The following CNTN5 variants were observed in gnomAD, a reference collection of about 807,000 sequenced individuals.
CNTN5 encodes contactin 5.
CNTN5 carries 77 observed loss-of-function variants against 129.1 expected under a neutral mutation model. That is an observed-to-expected ratio of 0.60 (90% confidence interval 0.50 to 0.72). The LOEUF (loss-of-function observed/expected upper bound fraction) is 0.72, where lower values mean the gene tolerates loss of function less well. Among genes scored for constraint, CNTN5 ranks in the 30% least tolerant of loss-of-function variants. The probability of loss-of-function intolerance (pLI) is 0.00; values close to 1 mark genes in which losing one functional copy is unlikely to be tolerated. For missense variants in CNTN5, 1,478 were observed against 1,328.8 expected (o/e 1.11, Z -1.75); for synonymous variants, 509 against 465.6 (o/e 1.09, Z -1.20).
At chr11:99,767,544 C>A (rs777017928) in intron 3 of CNTN5, among the ~76,000 whole-genome samples, 10 of 151,768 alleles carry the variant, frequency 6.6e-5, no homozygotes, top group Non-Finnish European at 1.5e-4. Flanking sequence ...ATAGTACATG[C>A]CCACATTTGA....
intron 1 of CNTN5, among the ~76,000 whole-genome samples, chr11:99,231,066 G>A (rs970215834): frequency 2.0e-5 from 3 of 152,032 alleles, no homozygotes; most frequent in Non-Finnish European, 2.9e-5. Flanking sequence ...ATGGGCATTT[G>A]GGTTGATTCC....
At chr11:99,053,228 G>A (rs1183180174) in intron 1 of CNTN5, among the ~76,000 whole-genome samples, 1 of 151,816 alleles carries the variant, frequency 6.6e-6, no homozygotes, top group Non-Finnish European at 1.5e-5. Flanking sequence ...ACTCCTATAT[G>A]TCAAAAGTTT....
At chr11:99,555,396 C>T (rs1344421626) in intron 2 of CNTN5, among the ~76,000 whole-genome samples, 1 of 151,852 alleles carries the variant, frequency 6.6e-6, no homozygotes, top group Non-Finnish European at 1.5e-5. Context: ...CAAGTTCTTG[C>T]AGAAAGTTTA....
At chr11:100,180,500 C>T (rs967700009) in intron 13 of CNTN5, among the ~76,000 whole-genome samples, 33 of 151,994 alleles carry the variant, frequency 2.2e-4, no homozygotes, top group Admixed American at 5.9e-4. Context: ...GAGACTTAAA[C>T]GTCAATGTAA....
intron 13 of CNTN5, among the ~76,000 whole-genome samples, chr11:100,104,186 C>CTGAGG (rs1945335098): frequency 6.6e-6 from 1 of 151,498 alleles, no homozygotes; most frequent in Non-Finnish European, 1.5e-5. Flanking sequence ...CTTCCGCCTC[C>CTGAGG]CAGGTTCAGG....
chr11:99,904,082 A>G (rs1429932251), intron 6 of CNTN5, among the ~76,000 whole-genome samples: 1 of 152,160 alleles, frequency 6.6e-6, no homozygotes, highest in Non-Finnish European at 1.5e-5. Flanking sequence ...TATTGCTTGC[A>G]AATATTGTAT....
intron 6 of CNTN5, among the ~76,000 whole-genome samples, chr11:99,857,869 G>A (rs561646233): frequency 9.9e-5 from 15 of 151,950 alleles, no homozygotes; most frequent in Non-Finnish European, 1.8e-4. Context: ...TTTCCTATCC[G>A]TTTCATAGTG....
At chr11:100,003,212 A>T (rs1366436292) in intron 9 of CNTN5, among the ~76,000 whole-genome samples, 1 of 152,184 alleles carries the variant, frequency 6.6e-6, no homozygotes, top group Non-Finnish European at 1.5e-5. Context: ...ATGAATTGTT[A>T]TGTGACCCAT....
chr11:99,158,846 A>C (rs1407755020), intron 1 of CNTN5, among the ~76,000 whole-genome samples: 1 of 152,178 alleles, frequency 6.6e-6, no homozygotes, highest in African/African-American at 2.4e-5. Flanking sequence ...ATATAAAAAT[A>C]ATAAAAGTAA....
chr11:99,880,680 C>G (rs1381158808), intron 6 of CNTN5, among the ~76,000 whole-genome samples: 1 of 152,032 alleles, frequency 6.6e-6, no homozygotes, highest in Non-Finnish European at 1.5e-5. Flanking sequence ...TTGCTTTTGT[C>G]CTTTGCAAAA....
intron 4 of CNTN5, among the ~76,000 whole-genome samples, chr11:99,822,995 A>G (rs1453848649): frequency 6.6e-6 from 1 of 152,218 alleles, no homozygotes; most frequent in South Asian, 2.1e-4. Context: ...CCTCTGGCCA[A>G]CAGCCCAAGA....
At chr11:100,202,231 C>G (rs1482159886) in intron 15 of CNTN5, among the ~76,000 whole-genome samples, 1 of 151,910 alleles carries the variant, frequency 6.6e-6, no homozygotes, top group Non-Finnish European at 1.5e-5. Context: ...TTTATCAGAT[C>G]TAGGGCATAT....
chr11:99,674,671 G>A (rs1398554871), intron 3 of CNTN5, among the ~76,000 whole-genome samples: 1 of 152,078 alleles, frequency 6.6e-6, no homozygotes, highest in African/African-American at 2.4e-5. Context: ...ATGCTTACAT[G>A]TCTGAGACAA....
intron 7 of CNTN5, among the ~76,000 whole-genome samples, chr11:99,936,714 T>A (rs1950323528): frequency 6.6e-6 from 1 of 152,188 alleles, no homozygotes; most frequent in Non-Finnish European, 1.5e-5. Context: ...ATGATGAAAG[T>A]GAAATCTGAA....
chr11:100,074,181 A>C lies in CNTN5; in HGVS notation c.1467A>C (p.Lys489Asn). 2 of 1,612,820 alleles carry C rather than the reference A, an allele frequency of 1.2e-6. No individual in the cohort carries two copies. Among genetic ancestry groups the C allele is most frequent in the Middle Eastern group, 1.7e-4 (1 of 6,054 alleles). The change falls in exon 13 of 25, where the codon AAA (lysine) becomes AAC (asparagine). Residue 489 changes from lysine to asparagine, a missense_variant. Physicochemically the swap from Lys to Asn is moderately conservative, Grantham distance 94. Coordinates refer to ENST00000524871, the MANE Select transcript of CNTN5 (RefSeq NM_014361.4). ...APTFALNQLK[K>N]TIIVTKDQEV... Reference sequence around the variant, plus strand: ...CTTTTGCACTGAATCAACTGAAGAAAACAATAATTGTTACCAAAGACCAAG... The same window carrying C: ...CTTTTGCACTGAATCAACTGAAGAACACAATAATTGTTACCAAAGACCAAG...
intron 8 of CNTN5, among the ~76,000 whole-genome samples, chr11:99,962,782 A>G (rs1388670797): frequency 1.3e-5 from 2 of 151,754 alleles, no homozygotes; most frequent in Non-Finnish European, 2.9e-5. Flanking sequence ...CAACAGTGTA[A>G]AAGTGTTCCT....
Position 99,645,401 on chromosome 11 carries a change from G to A in CNTN5, c.55+89132G>A, listed in dbSNP as rs536742478. ...CCCAGTACCCAGTAATGGGATTGCT[G>A]GGTCAGATGGTATTCCTGATTCTAG... On this transcript the variant is annotated intron_variant, in intron 3 of 24. Transcript: ENST00000524871. Among the ~76,000 whole-genome samples, 18 of 151,882 alleles carry A rather than the reference G, an allele frequency of 1.2e-4. 1 individual carries two copies. In the South Asian group the frequency reaches 3.7e-3, roughly 32 times the overall value.
At chr11:99,109,160 C>A (rs1857662994) in intron 1 of CNTN5, among the ~76,000 whole-genome samples, 1 of 150,878 alleles carries the variant, frequency 6.6e-6, no homozygotes, top group Non-Finnish European at 1.5e-5. Flanking sequence ...AGTATGTTTT[C>A]TCATATATGA....
chr11:100,235,141 G>T (rs1949582356), intron 16 of CNTN5, among the ~76,000 whole-genome samples: 3 of 152,148 alleles, frequency 2.0e-5, no homozygotes, highest in Admixed American at 2.0e-4. Context: ...GAAGTACATT[G>T]TATCTGTTCA....
Sources: gnomAD v4.1 joint callset for allele counts (sites outside exome capture counted in the v4.1 genomes callset) on GRCh38, gnomAD v4.1.1 for gene constraint, MANE v1.5 for transcripts, NCBI Gene and HGNC (gene_info 2026-07-23, HGNC 2026-07-21) for gene names.